MYH15: variants seen among roughly 807,000 people sequenced by gnomAD.
MYH15 encodes the protein myosin-15.
A neutral mutation model predicts 240.5 loss-of-function variants in MYH15; 227 were observed. The ratio of observed to expected loss-of-function variants is 0.94; its 90% CI spans 0.85 to 1.05. The LOEUF (loss-of-function observed/expected upper bound fraction) is 1.05, where lower values mean the gene tolerates loss of function less well. Ranked by LOEUF, MYH15 falls within the 50% of genes least tolerant of loss-of-function variation. The pLI, the probability that MYH15 is intolerant of heterozygous loss-of-function variation, is 0.00. For synonymous variants in MYH15, 785 were observed against 796.7 expected (o/e 0.99, Z 0.25); for missense variants, 2,217 against 2,247.5 (o/e 0.99, Z 0.27).
chr3:108,431,240 T>C lies in MYH15; in HGVS notation c.3222-318A>G, dbSNP rs114229146. Among the ~76,000 whole-genome samples the C allele has an allele frequency of 2.1e-3, 321 of 152,364 alleles. 1 individual carries two copies. Among genetic ancestry groups the C allele is most frequent in the African/African-American group, 7.2e-3 (298 of 41,594 alleles). The stretch of plus-strand genomic sequence containing the variant: ...ATTCATTCTCATTTTAAAACTTCAA[T>C]GATTATACCTACATCTGAAGTTTTC... On this transcript the variant is annotated intron_variant, in intron 25 of 40. Transcript: ENST00000693548.
chr3:108,527,410 T>C (rs1336765596), intron 1 of MYH15, among the ~76,000 whole-genome samples: 9 of 152,132 alleles, frequency 5.9e-5, no homozygotes, highest in Admixed American at 5.9e-4. Flanking sequence ...GCTCCTCCCA[T>C]GCACTTTTCA....
At chr3:108,500,004 A>G (rs1468012222) in intron 4 of MYH15, 114 bp downstream of exon 4, 2 of 1,195,302 alleles carry the variant, frequency 1.7e-6, no homozygotes, top group African/African-American at 3.1e-5. Flanking sequence ...GCTTCAAGTG[A>G]TTAGCTAACT....
rs746314486 is a variant in MYH15 at position 108,476,515 on chromosome 3, T to A, written c.1115A>T (p.Asn372Ile). 1.1e-5 allele frequency: 18 copies of A among 1,587,116 alleles called. No individual in the cohort carries two copies. In the African/African-American group the frequency reaches 1.6e-4, roughly 14 times the overall value. ...EEQLEADGTE[N>I]ADKAAFLMGI... ...CATGAGGAAAGCAGCTTTGTCAGCA[T>A]CTGGTCATCAGAAATAGAAGAAAAG... The change falls in exon 12 of 41, where the codon AAT becomes ATT. Residue 372 changes from asparagine (N) to isoleucine (I), a missense_variant and splice_region_variant. Coordinates refer to ENST00000693548, the MANE Select transcript of MYH15 (RefSeq NM_014981.3).
At chr3:108,483,627 A>G (rs532055450) in intron 11 of MYH15, among the ~76,000 whole-genome samples, 9 of 152,344 alleles carry the variant, frequency 5.9e-5, no homozygotes, top group Middle Eastern at 3.4e-3. Flanking sequence ...CAGAGACTCA[A>G]ACAGATATTT....
In MYH15 at chr3:108,410,594, T is replaced by C. The variant is rs979203030; in HGVS notation, c.4484A>G (p.Lys1495Arg). The C allele has an allele frequency of 3.1e-6, 5 of 1,591,030 alleles. No homozygotes were observed. The African/African-American group carries it at 5.4e-5, about 17-fold the overall frequency. ...CCAGCTCGGTGTACCTTGGAGGTTC[T>C]TGTTCTCCCTCCTGAGTGTCTCCTG... ...VGQETLRREN[K>R]NLQEEISNLT... is the part of the protein sequence containing the mutation. Residue 1495 changes from lysine to arginine, a missense_variant, in exon 31 of 41, where the codon AAG (lysine) becomes AGG (arginine). Transcript: ENST00000693548.
At chr3:108,538,082 C>A in the MYH15 span, among the ~76,000 whole-genome samples, 1 of 152,140 alleles carries the variant, frequency 6.6e-6, no homozygotes, top group Non-Finnish European at 1.5e-5. Flanking sequence ...ATTTTTATCC[C>A]AGATCTAGGA....
chr3:108,546,353 T>C, the MYH15 span, among the ~76,000 whole-genome samples: 2,015 of 152,298 alleles, frequency 0.013, 45 homozygotes, highest in African/African-American at 0.046. Context: ...TTTTGGCTCT[T>C]TGAGATAAGT....
rs879135140 is a variant in MYH15, at chr3:108,469,917, T to A, written c.1554+125A>T. The A allele has an allele frequency of 8.0e-6, 7 of 874,048 alleles. No individual in the cohort carries two copies. In the East Asian group the frequency reaches 2.1e-4, roughly 26 times the overall value. 54.1% of individuals were successfully genotyped at this position (874,048 alleles called of 1,614,324 possible). A position where few individuals can be genotyped will look rare whatever the true frequency, so the allele number is the denominator to read the frequency against. On this transcript the variant is annotated intron_variant, in intron 14 of 40. Coordinates refer to ENST00000693548, the MANE Select transcript of MYH15 (RefSeq NM_014981.3). Reference sequence around the variant, plus strand: ...GCACACAAACACCATTAAGATAAAATGTGCAGGGCTTTCCGCCCCCATTTC... The same window carrying A: ...GCACACAAACACCATTAAGATAAAAAGTGCAGGGCTTTCCGCCCCCATTTC...
chr3:108,539,169 C>T, the MYH15 span, among the ~76,000 whole-genome samples: 21 of 152,260 alleles, frequency 1.4e-4, no homozygotes, highest in African/African-American at 5.1e-4. Flanking sequence ...CAAAAGTCAA[C>T]TGTGTTTCAA....
the MYH15 span, among the ~76,000 whole-genome samples, chr3:108,540,290 A>C: frequency 6.6e-6 from 1 of 152,216 alleles, no homozygotes; most frequent in Non-Finnish European, 1.5e-5. Context: ...CCAAGTGGAA[A>C]GTTTAAAAGT....
intron 33 of MYH15, among the ~76,000 whole-genome samples, chr3:108,404,312 G>GT (rs1314218418): frequency 3.3e-5 from 5 of 151,776 alleles, no homozygotes; most frequent in South Asian, 2.1e-4. Context: ...TGTTAACAGG[G>GT]TTTTTTTTCT....
chr3:108,531,672 G>A (rs1334843176), upstream of MYH15, among the ~76,000 whole-genome samples: 3 of 151,972 alleles, frequency 2.0e-5, no homozygotes, highest in Non-Finnish European at 4.4e-5. Flanking sequence ...AGCTACTTGG[G>A]AGGCTGAGGC....
chr3:108,485,779 G>C (rs898499108), intron 10 of MYH15, among the ~76,000 whole-genome samples: 9 of 152,182 alleles, frequency 5.9e-5, no homozygotes, highest in African/African-American at 1.9e-4. Flanking sequence ...GGTTAATTTA[G>C]AATATGTACC....
At chr3:108,542,371 G>C in the MYH15 span, among the ~76,000 whole-genome samples, 1 of 152,066 alleles carries the variant, frequency 6.6e-6, no homozygotes. Context: ...TAGTTTCACT[G>C]CCCTAAAATG....
At chr3:108,489,474 C>G (rs753235330) in intron 9 of MYH15, among the ~76,000 whole-genome samples, 1 of 151,962 alleles carries the variant, frequency 6.6e-6, no homozygotes, top group Non-Finnish European at 1.5e-5. Context: ...TTGAATGAGC[C>G]CTGTCCAAAA....
chr3:108,505,867 T>C, intron 1 of MYH15, 38 bp from the exon 2 acceptor site: 1 of 1,346,712 alleles, frequency 7.4e-7, no homozygotes, highest in Non-Finnish European at 1.1e-6. Context: ...ATTATAGCTA[T>C]AGTACTTACA....
intron 6 of MYH15, among the ~76,000 whole-genome samples, chr3:108,497,592 C>T (rs2107232077): frequency 6.6e-6 from 1 of 151,956 alleles, no homozygotes; most frequent in African/African-American, 2.4e-5. Context: ...ATGTGATTAA[C>T]ATTGAGGGGT....
chr3:108,517,494 G>A (rs567052672), intron 1 of MYH15, among the ~76,000 whole-genome samples: 3 of 152,146 alleles, frequency 2.0e-5, no homozygotes, highest in Non-Finnish European at 2.9e-5. Context: ...CACCATGAAT[G>A]GCTAATTTTT....
the MYH15 span, chr3:108,550,934 C>T: frequency 6.6e-6 from 2 of 304,876 alleles, no homozygotes; most frequent in African/African-American, 2.2e-5. Flanking sequence ...AACCTTAAGC[C>T]ATAAAAGCCA....
Sources: allele counts gnomAD v4.1 joint callset (sites outside exome capture counted in the v4.1 genomes callset), GRCh38; gene constraint gnomAD v4.1.1; transcripts MANE v1.5; gene names NCBI Gene and HGNC (gene_info 2026-07-23, HGNC 2026-07-21).